MAP3K6: variants seen among roughly 807,000 people sequenced by gnomAD.
The protein encoded by MAP3K6 is mitogen-activated protein kinase kinase kinase 6.
A neutral mutation model predicts 147.1 loss-of-function variants in MAP3K6; 105 were observed. The observed-to-expected ratio is 0.71, with a 90% CI of 0.61 to 0.84. The LOEUF (loss-of-function observed/expected upper bound fraction) is 0.84, where lower values mean the gene tolerates loss of function less well. Among genes scored for constraint, MAP3K6 ranks in the 40% least tolerant of loss-of-function variants. The probability of loss-of-function intolerance (pLI) is 0.00; values close to 1 mark genes in which losing one functional copy is unlikely to be tolerated. For synonymous variants in MAP3K6, 695 were observed against 732.4 expected (o/e 0.95, Z 0.82); for missense variants, 1,569 against 1,715.0 (o/e 0.91, Z 1.50).
In MAP3K6 at chr1:27,361,820, C is replaced by T. The variant is rs573297666; in HGVS notation, c.1463G>A (p.Arg488Lys). ...METFLLYQHF[R>K]PTPEPPGGPP... ...CCCTCCAGGGGGCTCTGGCGTGGGC[C>T]TGAAGTGCTGGTAGAGCAGGAAGGT... The change falls in exon 10 of 29, where the codon AGG becomes AAG. Residue 488 changes from arginine to lysine, a missense_variant. Physicochemically the swap from Arg to Lys is conservative, Grantham distance 26 (BLOSUM62 2). Transcript: ENST00000357582. 7 of 1,599,288 alleles carry T rather than the reference C, an allele frequency of 4.4e-6. No individual in the cohort carries two copies. In the African/African-American group the frequency reaches 5.4e-5, roughly 12 times the overall value.
In MAP3K6 at chr1:27,356,118, G is replaced by A. The variant is rs184469734; in HGVS notation, c.3638-19C>T. 2 of 1,611,032 alleles carry A rather than the reference G, an allele frequency of 1.2e-6. No individual in the cohort carries two copies. The highest frequency in any genetic ancestry group is 2.2e-5 in the East Asian group (1 of 44,874). The stretch of plus-strand genomic sequence containing the variant: ...AGAGCAGCTGTCAAGAAGCAGTCAG[G>A]TGATGAGCCCAAGAGTGCCTCCTGC... On this transcript the variant is annotated intron_variant, in intron 26 of 28. Transcript: ENST00000357582.
rs1321547667 is a variant in MAP3K6 at position 27,363,260 on chromosome 1, C to T, written c.971+182G>A. Among the ~76,000 whole-genome samples, 4 of 152,060 alleles carry T rather than the reference C, an allele frequency of 2.6e-5. No individual in the cohort carries two copies. The East Asian group carries it at 5.8e-4, about 22-fold the overall frequency. ...GGTGACCATACCACAGGCAGCACCACCTCCCCCACCCCGACCCAGGCAGCA... is the reference window on the plus strand; with the variant it reads ...GGTGACCATACCACAGGCAGCACCATCTCCCCCACCCCGACCCAGGCAGCA... On this transcript the variant is annotated intron_variant, in intron 6 of 28. Coordinates refer to ENST00000357582, the MANE Select transcript of MAP3K6 (RefSeq NM_004672.5).
In MAP3K6 at chr1:27,358,145, G is replaced by C; in HGVS notation, c.2915+36C>G. The C allele has an allele frequency of 1.3e-6, 2 of 1,546,600 alleles. No homozygotes were observed. Among genetic ancestry groups the C allele is most frequent in the Non-Finnish European group, 1.7e-6 (2 of 1,150,886 alleles). ...AGGAGAGGAGAAAAAGGCAAAACCA[G>C]GCAAAAGGAACCCATCCCAGGAGCC... On this transcript the variant is annotated intron_variant, in intron 21 of 28. Transcript: ENST00000357582. The surrounding 1 kb of genome is among the most constrained non-coding windows in gnomAD (Gnocchi z 6.2).
At position 27,366,249 on chromosome 1, in the gene MAP3K6, C is replaced by A; in HGVS notation, c.340+9G>T. On this transcript the variant is annotated intron_variant, in intron 1 of 28. Coordinates refer to ENST00000357582, the MANE Select transcript of MAP3K6 (RefSeq NM_004672.5). The surrounding 1 kb of genome is among the most constrained non-coding windows in gnomAD (Gnocchi z 5.5). ...CGCCCGGATCCGGCCCCGCCCCCAG[C>A]GCTCTCACCCGCGTTGTAGAAGGCA... 1 of 1,311,582 alleles carries A rather than the reference C, an allele frequency of 7.6e-7. No individual in the cohort carries two copies. The highest frequency in any genetic ancestry group is 9.7e-7 in the Non-Finnish European group (1 of 1,031,676). 81.2% of individuals were successfully genotyped at this position (1,311,582 alleles called of 1,614,324 possible). A position where few individuals can be genotyped will look rare whatever the true frequency, so the allele number is the denominator to read the frequency against.
chr1:27,357,187 A>G, intron 23 of MAP3K6, 73 bp from the exon 24 acceptor site: 1 of 1,440,262 alleles, frequency 6.9e-7, no homozygotes, highest in Non-Finnish European at 9.7e-7. Flanking sequence ...GGAAAGGCCT[A>G]GAAAGTCTTC....
At chr1:27,357,173 A>C in intron 23 of MAP3K6, 59 bp from the exon 24 acceptor site, 2 of 1,493,912 alleles carry the variant, frequency 1.3e-6, no homozygotes, top group Non-Finnish European at 1.9e-6. Flanking sequence ...GCAGGGCTTG[A>C]GTTGGAAAGG....
rs757332104 is a variant in MAP3K6 at position 27,364,174 on chromosome 1, T to C, written c.695+30A>G. The stretch of plus-strand genomic sequence containing the variant: ...CACCATACCCTCACCAGCCCCCTCC[T>C]GGAGCACCCTCCCTGGGGGCCTTCA... On this transcript the variant is annotated intron_variant, in intron 4 of 28. Coordinates refer to ENST00000357582, the MANE Select transcript of MAP3K6 (RefSeq NM_004672.5). This position sits in a 1 kb window ranked among gnomAD's most constrained non-coding sequence, Gnocchi z 4.4. 1.8e-5 allele frequency: 29 copies of C among 1,602,938 alleles called. No homozygotes were observed. The highest frequency in any genetic ancestry group is 4.0e-5 in the African/African-American group (3 of 74,814).
At position 27,359,327 on chromosome 1, in the gene MAP3K6, T is replaced by C. The variant is rs558454278; in HGVS notation, c.2425+90A>G. 2.8e-4 allele frequency: 447 copies of C among 1,582,114 alleles called. 5 individuals carry two copies. The South Asian group carries it at 4.7e-3, about 17-fold the overall frequency. On this transcript the variant is annotated intron_variant, in intron 18 of 28. Transcript: ENST00000357582. This position sits in a 1 kb window ranked among gnomAD's most constrained non-coding sequence, Gnocchi z 4.4. ...ATTCCCCATTAGGACTCTAACTCCA[T>C]GCCTAGGAGAAACCCCCTTCCCTGG...
chr1:27,359,633 C>A lies in MAP3K6; in HGVS notation c.2320-111G>T. 6.6e-7 allele frequency: 1 copy of A among 1,510,150 alleles called. No individual in the cohort carries two copies. The highest frequency in any genetic ancestry group is 9.0e-7 in the Non-Finnish European group (1 of 1,109,730). The allele number at this position is 1,510,150 out of a possible 1,614,324, so 93.5% of individuals were successfully genotyped here. On this transcript the variant is annotated intron_variant, in intron 17 of 28. Transcript: ENST00000357582. The surrounding 1 kb of genome is among the most constrained non-coding windows in gnomAD (Gnocchi z 4.4). ...CCCAGCCTGGTCCTGCCTCTGTCAA[C>A]ACTCTCCCCTTGCCATCCCACTTAT...
In MAP3K6 at chr1:27,360,883, C is replaced by A; in HGVS notation, c.1920+38G>T. ...ATGGGAGTTCAGCAGGGCCCGCGGC[C>A]CCTCGCCCTCCGCGAGCTCCCAGTC... is the stretch of plus-strand genomic sequence containing the variant. On this transcript the variant is annotated intron_variant, in intron 14 of 28. Coordinates refer to ENST00000357582, the MANE Select transcript of MAP3K6 (RefSeq NM_004672.5). The surrounding 1 kb of genome is among the most constrained non-coding windows in gnomAD (Gnocchi z 4.5). The A allele has an allele frequency of 1.2e-6, 2 of 1,609,334 alleles. No homozygotes were observed. Among genetic ancestry groups the A allele is most frequent in the East Asian group, 4.5e-5 (2 of 44,778 alleles).
At position 27,356,462 on chromosome 1, in the gene MAP3K6, T is replaced by G; in HGVS notation, c.3563A>C (p.Gln1188Pro). The change falls in exon 26 of 29, where the codon CAG becomes CCG. Residue 1188 changes from glutamine to proline, a missense_variant. Coordinates refer to ENST00000357582, the MANE Select transcript of MAP3K6 (RefSeq NM_004672.5). ...CTGTAGAGCCCGCTGCACCAGGGCC[T>G]GGTACTCCCGTTCCTTCCCCGCCAG... Reference protein sequence around the residue: ...EILAGKEREYQALVQRALQRL... With the variant: ...EILAGKEREYPALVQRALQRL... The G allele has an allele frequency of 6.2e-7, 1 of 1,613,952 alleles. No individual in the cohort carries two copies. The highest frequency in any genetic ancestry group is 8.5e-7 in the Non-Finnish European group (1 of 1,179,990).
At chr1:27,363,790 A>G in intron 5 of MAP3K6, 127 bp downstream of exon 5, 1 of 992,518 alleles carries the variant, frequency 1.0e-6, no homozygotes, top group East Asian at 2.6e-5. Flanking sequence ...TAAGGAGGCC[A>G]ACACTCAGAG....
rs1322999640 is a variant in MAP3K6 at position 27,364,707 on chromosome 1, T to C, written c.481-23A>G. ...CTCCTGCAGGAGGCAGACAGTCAGA[T>C]ACTGGTGTTCTGTGTAGGCCTTACC... On this transcript the variant is annotated intron_variant, in intron 2 of 28. Transcript: ENST00000357582. The surrounding 1 kb of genome is among the most constrained non-coding windows in gnomAD (Gnocchi z 4.4). 2.5e-6 allele frequency: 4 copies of C among 1,614,174 alleles called. No homozygotes were observed. The highest frequency in any genetic ancestry group is 3.4e-6 in the Non-Finnish European group (4 of 1,180,016).
At chr1:27,355,527 C>A (rs376953864) in intron 28 of MAP3K6, 58 bp from the exon 29 acceptor site, 1 of 1,587,036 alleles carries the variant, frequency 6.3e-7, no homozygotes, top group East Asian at 2.2e-5. Context: ...CTCTATCTTG[C>A]ACACACTGTC....
chr1:27,360,218 C>A lies in MAP3K6; in HGVS notation c.2182+23G>T, dbSNP rs528556491. On this transcript the variant is annotated intron_variant, in intron 16 of 28. Transcript: ENST00000357582. The surrounding 1 kb of genome is among the most constrained non-coding windows in gnomAD (Gnocchi z 4.5). ...CCATGCTTCACACCTCGGTTTCATT[C>A]CCATCCCACACAGGGCAGGTACCTC... The A allele has an allele frequency of 9.3e-6, 15 of 1,612,774 alleles. No individual in the cohort carries two copies. The East Asian group carries it at 2.5e-4, about 26-fold the overall frequency.
intron 26 of MAP3K6, 121 bp downstream of exon 26, chr1:27,356,267 T>C: frequency 8.9e-7 from 1 of 1,128,588 alleles, no homozygotes; most frequent in South Asian, 1.5e-5. Context: ...CCACCAATAA[T>C]GTTCTCCCGC....
Position 27,364,184 on chromosome 1 carries a change from T to A in MAP3K6, c.695+20A>T. ...TCACCAGCCCCCTCCTGGAGCACCCTCCCTGGGGGCCTTCATTACCAAGAG... is the reference window on the plus strand; with the variant it reads ...TCACCAGCCCCCTCCTGGAGCACCCACCCTGGGGGCCTTCATTACCAAGAG... On this transcript the variant is annotated intron_variant, in intron 4 of 28. Transcript: ENST00000357582. This position sits in a 1 kb window ranked among gnomAD's most constrained non-coding sequence, Gnocchi z 4.4. The A allele has an allele frequency of 6.2e-7, 1 of 1,605,362 alleles. No individual in the cohort carries two copies. The highest frequency in any genetic ancestry group is 8.5e-7 in the Non-Finnish European group (1 of 1,176,076).
rs751954117 is a variant in MAP3K6 at position 27,356,863 on chromosome 1, T to C, written c.3365-114A>G. 2.8e-6 allele frequency: 4 copies of C among 1,440,444 alleles called. No individual in the cohort carries two copies. The African/African-American group carries it at 4.2e-5, about 15-fold the overall frequency. The allele number at this position is 1,440,444 out of a possible 1,614,324, so 89.2% of individuals were successfully genotyped here. A position where few individuals can be genotyped will look rare whatever the true frequency, so the allele number is the denominator to read the frequency against. ...CTGGGCAGGCCCCAGGCGGTGCCGG[T>C]ATGGGAGATGTCCATTTAGTCACGC... On this transcript the variant is annotated intron_variant, in intron 24 of 28. Transcript: ENST00000357582.
Position 27,359,576 on chromosome 1 carries a change from AC to A in MAP3K6, c.2320-55del. ...TCTGGGCCCCTGCCAGCAGAAGTAG[AC>A]CCTCTTTCTGGGATCCCATCTCCTG... On this transcript the variant is annotated intron_variant, in intron 17 of 28. Coordinates refer to ENST00000357582, the MANE Select transcript of MAP3K6 (RefSeq NM_004672.5). This position sits in a 1 kb window ranked among gnomAD's most constrained non-coding sequence, Gnocchi z 4.4. 1.9e-6 allele frequency: 3 copies of A among 1,608,224 alleles called. No individual in the cohort carries two copies. In the Admixed American group the frequency reaches 5.0e-5, roughly 27 times the overall value.
Sources: gnomAD v4.1 joint callset for allele counts (sites outside exome capture counted in the v4.1 genomes callset) on GRCh38, gnomAD v4.1.1 for gene constraint, Gnocchi (gnomAD v3.1) non-coding constraint, MANE v1.5 for transcripts, NCBI Gene and HGNC (gene_info 2026-07-23, HGNC 2026-07-21) for gene names.